Variants in SPEF2 observed in about 807,000 individuals in gnomAD.
The protein encoded by SPEF2 is sperm flagella and cilia-associated protein 2.
A neutral mutation model predicts 224.6 loss-of-function variants in SPEF2; 187 were observed. The ratio of observed to expected loss-of-function variants is 0.83; its 90% CI spans 0.74 to 0.94. The LOEUF is 0.94. Ranked by LOEUF, SPEF2 falls within the 40% of genes least tolerant of loss-of-function variation. The probability of loss-of-function intolerance (pLI) is 0.00; values close to 1 mark genes in which losing one functional copy is unlikely to be tolerated. For missense variants in SPEF2, 2,170 were observed against 2,135.6 expected (o/e 1.02, Z -0.32); for synonymous variants, 715 against 707.3 (o/e 1.01, Z -0.17).
At chr5:35,813,282 C>T (rs1312720635) in intron 36 of SPEF2, among the ~76,000 whole-genome samples, 1 of 151,926 alleles carries the variant, frequency 6.6e-6, no homozygotes. Context: ...TGCTTGAGGC[C>T]AGGTGTTTGA....
intron 31 of SPEF2, 50 bp from the exon 32 acceptor site, chr5:35,793,109 C>A: frequency 6.5e-7 from 1 of 1,527,604 alleles, no homozygotes; most frequent in Non-Finnish European, 8.9e-7. Flanking sequence ...AGTAGAGCAT[C>A]AAGATAGATT....
At chr5:35,708,569 A>ATCACCATAACTAT (rs1554037862) in intron 18 of SPEF2, among the ~76,000 whole-genome samples, 4 of 91,580 alleles carry the variant, frequency 4.4e-5, no homozygotes, top group African/African-American at 1.3e-4. Flanking sequence ...CACCACTACC[A>ATCACCATAACTAT]CACCACCACC....
At chr5:35,636,994 A>AAAAAG (rs1229600103) in intron 2 of SPEF2, among the ~76,000 whole-genome samples, 94 of 151,674 alleles carry the variant, frequency 6.2e-4, no homozygotes, top group Middle Eastern at 3.4e-3. Context: ...AAAAAAAAGA[A>AAAAAG]AAAAGAAAAG....
chr5:35,792,582 A>G (rs1325981679), intron 31 of SPEF2, 136 bp downstream of exon 31: 2 of 656,672 alleles, frequency 3.0e-6, no homozygotes, highest in East Asian at 5.5e-5. Flanking sequence ...AGTGAATGAA[A>G]AATGAATGAA....
chr5:35,740,968 A>G lies in SPEF2; in HGVS notation c.3330+701A>G, dbSNP rs75161581. ...ATTACTAACAGTCAAAACTGATTATAACCTAAATATTGATTTATGTAATTA... is the reference window on the plus strand; with the variant it reads ...ATTACTAACAGTCAAAACTGATTATGACCTAAATATTGATTTATGTAATTA... On this transcript the variant is annotated intron_variant, in intron 23 of 36. Coordinates refer to ENST00000356031, the MANE Select transcript of SPEF2 (RefSeq NM_024867.4). 4.0e-3 allele frequency among the ~76,000 whole-genome samples: 608 copies of G among 152,312 alleles called. 11 individuals are homozygous for G. Among genetic ancestry groups the G allele is most frequent in the African/African-American group, 0.014 (583 of 41,558 alleles).
intron 16 of SPEF2, among the ~76,000 whole-genome samples, chr5:35,701,904 A>G (rs2149566641): frequency 6.6e-6 from 1 of 152,244 alleles, no homozygotes; most frequent in East Asian, 1.9e-4. Context: ...ACTTGAGCCC[A>G]GGAATTCAAG....
intron 20 of SPEF2, 73 bp from the exon 21 acceptor site, chr5:35,727,602 A>G: frequency 2.3e-6 from 3 of 1,277,948 alleles, no homozygotes; most frequent in Non-Finnish European, 3.3e-6. Flanking sequence ...TGGTAATTAT[A>G]GATGTATTCA....
rs1440386791 is a variant in SPEF2 at position 35,736,467 on chromosome 5, G to A, written c.3064-3452G>A. Among the ~76,000 whole-genome samples, 3 of 128,392 alleles carry A rather than the reference G, an allele frequency of 2.3e-5. No individual in the cohort carries two copies. The South Asian group carries it at 7.6e-4, about 32-fold the overall frequency. 84.2% of individuals were successfully genotyped at this position (128,392 alleles called of 152,430 possible). The stretch of plus-strand genomic sequence containing the variant: ...ATTAACTACATGGAGGCAAGTGACA[G>A]AGTGTGTGTGTGTGTGTGTGTGTGT... On this transcript the variant is annotated intron_variant, in intron 21 of 36. Coordinates refer to ENST00000356031, the MANE Select transcript of SPEF2 (RefSeq NM_024867.4).
chr5:35,775,216 T>G (rs372040390), intron 28 of SPEF2, among the ~76,000 whole-genome samples: 3 of 152,138 alleles, frequency 2.0e-5, no homozygotes, highest in East Asian at 3.9e-4. Flanking sequence ...AAGGATCGAT[T>G]GTGTTTGAAT....
chr5:35,807,724 G>GA (rs2149876489), intron 36 of SPEF2: 1 of 1,536,074 alleles, frequency 6.5e-7, no homozygotes, highest in Admixed American at 2.0e-5. Context: ...GCAAGATGGA[G>GA]AAACTAAGGA....
In SPEF2 at chr5:35,806,692, C is replaced by T. The variant is rs747419230; in HGVS notation, c.5011-15C>T. On this transcript the variant is annotated splice_polypyrimidine_tract_variant and intron_variant, in intron 34 of 36. Coordinates refer to ENST00000356031, the MANE Select transcript of SPEF2 (RefSeq NM_024867.4). ...CTTCAGTTTAACTTCATGTTCTCTT[C>T]ATTTAACTTTGCAGACCTCCTCAAC... 1.9e-6 allele frequency: 3 copies of T among 1,600,306 alleles called. No homozygotes were observed. Among genetic ancestry groups the T allele is most frequent in the South Asian group, 1.1e-5 (1 of 87,822 alleles).
intron 20 of SPEF2, among the ~76,000 whole-genome samples, chr5:35,716,146 TCCAAACATTTTTGAGAATCATAA>T (rs1742527948): frequency 6.6e-6 from 1 of 152,054 alleles, no homozygotes; most frequent in East Asian, 1.9e-4. Flanking sequence ...TTCTCAAATG[TCCAAACATTTTTGAGAATCATAA>T]CCATGATTCT....
At position 35,644,358 on chromosome 5, in the gene SPEF2, CTT is replaced by C. The variant is rs1346166674; in HGVS notation, c.419_420del (p.Leu140GlnfsTer9). The C allele has an allele frequency of 6.4e-7, 1 of 1,560,962 alleles. No homozygotes were observed. Among genetic ancestry groups the C allele is most frequent in the Non-Finnish European group, 8.7e-7 (1 of 1,154,400 alleles). ...NMKSDTFQER[L>X]RHMIPRQTDF... is the part of the protein sequence containing the mutation. Reference sequence around the variant, plus strand: ...TTGAAATGCTTTTTTCATTTAGAGACTTAGACACATGATACCACGTCAAACTG... The same window carrying C: ...TTGAAATGCTTTTTTCATTTAGAGACAGACACATGATACCACGTCAAACTG... On this transcript the variant is annotated frameshift_variant, in exon 4 of 37. Coordinates refer to ENST00000356031, the MANE Select transcript of SPEF2 (RefSeq NM_024867.4). LOFTEE classifies it high-confidence loss of function.
chr5:35,622,772 T>C (rs116718705), intron 1 of SPEF2, among the ~76,000 whole-genome samples: 3,095 of 152,292 alleles, frequency 0.02, 111 homozygotes, highest in African/African-American at 0.072. Context: ...AAAATTAATA[T>C]AGCAAGTCTA....
At chr5:35,692,128 C>A (rs978655599) in intron 11 of SPEF2, among the ~76,000 whole-genome samples, 5 of 151,948 alleles carry the variant, frequency 3.3e-5, no homozygotes, top group Non-Finnish European at 1.5e-5. Context: ...AAGCTTGATC[C>A]GGCTGGGTGT....
At chr5:35,695,923 T>C in intron 14 of SPEF2, 127 bp downstream of exon 14, 1 of 602,814 alleles carries the variant, frequency 1.7e-6, no homozygotes, top group East Asian at 3.1e-5. Flanking sequence ...GTTAATTTGA[T>C]GGTATAATAT....
chr5:35,806,636 A>G (rs1758097504), intron 34 of SPEF2, 71 bp from the exon 35 acceptor site: 1 of 1,531,790 alleles, frequency 6.5e-7, no homozygotes, highest in Non-Finnish European at 8.8e-7. Context: ...TGAAATTGGT[A>G]TATTCTAAAA....
At chr5:35,765,856 TG>T (rs1158423519) in intron 26 of SPEF2, among the ~76,000 whole-genome samples, 6 of 152,282 alleles carry the variant, frequency 3.9e-5, no homozygotes, top group African/African-American at 1.4e-4. Context: ...TTTCATGAAT[TG>T]TATTCTCAAA....
chr5:35,772,269 A>C (rs961524820), intron 27 of SPEF2, among the ~76,000 whole-genome samples: 1 of 151,950 alleles, frequency 6.6e-6, no homozygotes, highest in African/African-American at 2.4e-5. Context: ...CATCAACATT[A>C]CCCTCCCCCT....
Sources: allele counts gnomAD v4.1 joint callset (sites outside exome capture counted in the v4.1 genomes callset), GRCh38; gene constraint gnomAD v4.1.1; transcripts MANE v1.5; gene names NCBI Gene and HGNC (gene_info 2026-07-23, HGNC 2026-07-21).